MAGI2: variants seen among roughly 807,000 people sequenced by gnomAD.
MAGI2 encodes membrane-associated guanylate kinase, WW and PDZ domain-containing protein 2.
A neutral mutation model predicts 133.3 loss-of-function variants in MAGI2; 35 were observed. The ratio of observed to expected loss-of-function variants is 0.26; its 90% CI spans 0.20 to 0.35. The LOEUF is 0.35. MAGI2 is among the 10% of genes least tolerant of loss of function. The pLI is 1.00. For missense variants in MAGI2, 1,636 were observed against 1,863.4 expected (o/e 0.88, Z 2.25); for synonymous variants, 729 against 710.6 (o/e 1.03, Z -0.41).
At chr7:79,306,725 T>C (rs559534244) in intron 1 of MAGI2, among the ~76,000 whole-genome samples, 345 of 152,318 alleles carry the variant, frequency 2.3e-3, no homozygotes, top group Middle Eastern at 0.014. Context: ...ATTTACTGTG[T>C]ATACCTACTC....
intron 3 of MAGI2, among the ~76,000 whole-genome samples, chr7:78,585,753 C>G (rs767139983): frequency 1.3e-5 from 2 of 152,084 alleles, no homozygotes; most frequent in African/African-American, 2.4e-5. Flanking sequence ...GATGTGACAC[C>G]ACATATCAGA....
intron 2 of MAGI2, among the ~76,000 whole-genome samples, chr7:78,814,326 GA>G (rs1232078898): frequency 2.6e-5 from 4 of 152,052 alleles, no homozygotes; most frequent in Non-Finnish European, 4.4e-5. Context: ...GTAGGAACTA[GA>G]AAAAAATAAA....
chr7:79,108,693 C>A (rs1434194675), intron 1 of MAGI2, among the ~76,000 whole-genome samples: 2 of 152,214 alleles, frequency 1.3e-5, no homozygotes, highest in African/African-American at 2.4e-5. Flanking sequence ...TTTATAATTT[C>A]ATGGGAAAAG....
intron 1 of MAGI2, among the ~76,000 whole-genome samples, chr7:79,068,181 A>G (rs1044751676): frequency 1.3e-5 from 2 of 152,190 alleles, no homozygotes; most frequent in African/African-American, 4.8e-5. Flanking sequence ...AAGGAATGGT[A>G]CTAACTCCTC....
At chr7:78,319,223 T>C (rs566689791) in intron 9 of MAGI2, among the ~76,000 whole-genome samples, 1 of 152,242 alleles carries the variant, frequency 6.6e-6, no homozygotes, top group East Asian at 1.9e-4. Context: ...AGGAGCCCCA[T>C]CTCATGTGCA....
Position 78,609,354 on chromosome 7 carries a change from C to T in MAGI2, c.538+17766G>A, listed in dbSNP as rs145250910. 7.8e-3 allele frequency among the ~76,000 whole-genome samples: 1,186 copies of T among 152,254 alleles called. 13 individuals are homozygous for T. The highest frequency in any genetic ancestry group is 0.019 in the African/African-American group (780 of 41,532). ...AGACAATAATAAGGTCATAATTATG[C>T]CTAACATGACTATGCTTCATACAAC... is the stretch of plus-strand genomic sequence containing the variant. On this transcript the variant is annotated intron_variant, in intron 3 of 21. Transcript: ENST00000354212.
intron 3 of MAGI2, among the ~76,000 whole-genome samples, chr7:78,523,088 A>G (rs1796647060): frequency 6.6e-6 from 1 of 152,232 alleles, no homozygotes; most frequent in Non-Finnish European, 1.5e-5. Context: ...GTCACTAAAC[A>G]CATCTGGGTA....
Position 78,489,779 on chromosome 7 carries a change from C to G in MAGI2, c.1027G>C (p.Glu343Gln). 1 of 1,612,596 alleles carries G rather than the reference C, an allele frequency of 6.2e-7. No individual in the cohort carries two copies. The highest frequency in any genetic ancestry group is 8.5e-7 in the Non-Finnish European group (1 of 1,179,002). ...AACCTACCATTTTCTTTGCACTCTT[C>G]TGGAGGTTTAGCCTTTTTCGCAAGT... The part of the protein sequence containing the change: ...PRLAKKAKPP[E>Q]ECKENELPYG... Residue 343 changes from glutamate (E) to glutamine (Q), a missense_variant, in exon 6 of 22, where the codon GAA (glutamate) becomes CAA (glutamine). Glu to Gln is a conservative substitution (Grantham distance 29). Coordinates refer to ENST00000354212, the MANE Select transcript of MAGI2 (RefSeq NM_012301.4).
chr7:78,957,002 G>A (rs540808409), intron 2 of MAGI2, among the ~76,000 whole-genome samples: 3 of 152,084 alleles, frequency 2.0e-5, no homozygotes, highest in Admixed American at 2.0e-4. Context: ...GGTAGCTCAC[G>A]CCTGTAATCC....
At chr7:78,458,869 C>T (rs1264973336) in intron 6 of MAGI2, among the ~76,000 whole-genome samples, 2 of 152,128 alleles carry the variant, frequency 1.3e-5, no homozygotes, top group Admixed American at 6.5e-5. Context: ...CTCCTGACCT[C>T]GTGATCCGCC....
intron 6 of MAGI2, among the ~76,000 whole-genome samples, chr7:78,386,729 T>C (rs1041223854): frequency 6.6e-6 from 1 of 152,216 alleles, no homozygotes; most frequent in Non-Finnish European, 1.5e-5. Flanking sequence ...TGTGATGTGA[T>C]GCAGGACTCA....
chr7:78,256,374 T>C lies in MAGI2; in HGVS notation c.1616A>G (p.Asn539Ser), dbSNP rs1288896536. The change falls in exon 10 of 22, where the codon AAT becomes AGT. Residue 539 changes from asparagine (N) to serine (S), a missense_variant. Physicochemically the swap from Asn to Ser is conservative, Grantham distance 46. Transcript: ENST00000354212. ...ATATGTTTCATAGTTGTGTCTTCCA[T>C]TGACCATCACTGGAGGTGGCCTCTC... ...IMERPPPVMV[N>S]GRHNYETYLE... 1.2e-6 allele frequency: 2 copies of C among 1,614,024 alleles called. No homozygotes were observed. The highest frequency in any genetic ancestry group is 2.2e-5 in the East Asian group (1 of 44,808).
intron 1 of MAGI2, among the ~76,000 whole-genome samples, chr7:79,363,027 C>T (rs1479493310): frequency 4.6e-5 from 7 of 151,598 alleles, no homozygotes; most frequent in Non-Finnish European, 1.0e-4. Context: ...ATAGAGGTGA[C>T]ATATTATCTA....
chr7:78,374,009 C>T (rs1455986384), intron 6 of MAGI2, among the ~76,000 whole-genome samples: 1 of 152,100 alleles, frequency 6.6e-6, no homozygotes, highest in Non-Finnish European at 1.5e-5. Flanking sequence ...TTGTTGGACA[C>T]CTAGGTTGAT....
chr7:79,296,705 G>A (rs1011974998), intron 1 of MAGI2, among the ~76,000 whole-genome samples: 3 of 152,110 alleles, frequency 2.0e-5, no homozygotes. Context: ...AGAGTAGAAT[G>A]GTGGTTGTCA....
At chr7:78,829,232 A>C (rs1790924072) in intron 2 of MAGI2, among the ~76,000 whole-genome samples, 1 of 151,876 alleles carries the variant, frequency 6.6e-6, no homozygotes, top group Admixed American at 6.5e-5. Context: ...AGGTTACAAG[A>C]TTTTTCTTTT....
chr7:78,053,486 G>A (rs1584954214), intron 21 of MAGI2, among the ~76,000 whole-genome samples: 1 of 152,352 alleles, frequency 6.6e-6, no homozygotes, highest in Middle Eastern at 3.4e-3. Context: ...GACTGGCTAT[G>A]CTCCTGCCAT....
chr7:78,191,981 G>C (rs1216505270), intron 12 of MAGI2, among the ~76,000 whole-genome samples: 6 of 152,142 alleles, frequency 3.9e-5, no homozygotes, highest in Non-Finnish European at 8.8e-5. Context: ...AATATTTCTT[G>C]ACAGCCTTGA....
intron 2 of MAGI2, among the ~76,000 whole-genome samples, chr7:78,862,817 T>G (rs1447942438): frequency 6.6e-6 from 1 of 152,210 alleles, no homozygotes; most frequent in Non-Finnish European, 1.5e-5. Flanking sequence ...TCCCTTTTTC[T>G]CTCACAAAGC....
Sources: allele counts gnomAD v4.1 joint callset (sites outside exome capture counted in the v4.1 genomes callset), GRCh38; gene constraint gnomAD v4.1.1; transcripts MANE v1.5; gene names NCBI Gene and HGNC (gene_info 2026-07-23, HGNC 2026-07-21).